The following CNTNAP5 variants were observed in gnomAD, a reference collection of about 807,000 sequenced individuals.
The protein encoded by CNTNAP5 is contactin-associated protein-like 5.
In CNTNAP5, 72 loss-of-function variants were observed where a neutral mutation model predicts 150.2. The ratio of observed to expected loss-of-function variants is 0.48; its 90% CI spans 0.40 to 0.58. CNTNAP5 has a LOEUF of 0.58. Among genes scored for constraint, CNTNAP5 ranks in the 20% least tolerant of loss-of-function variants. The pLI is 0.00. For synonymous variants in CNTNAP5, 672 were observed against 619.8 expected, an observed-to-expected ratio of 1.08 and a Z score of -1.25; for missense variants, 1,636 against 1,626.2, an observed-to-expected ratio of 1.01 and a Z score of -0.10.
intron 8 of CNTNAP5, among the ~76,000 whole-genome samples, chr2:124,511,240 A>G (rs1050297112): frequency 3.9e-5 from 6 of 152,224 alleles, no homozygotes; most frequent in South Asian, 2.1e-4. Flanking sequence ...TGAATGTCAT[A>G]TGAAATCATA....
rs1344422155 is a variant in CNTNAP5 at position 124,603,890 on chromosome 2, G to A, written c.1757-5911G>A. On this transcript the variant is annotated intron_variant, in intron 11 of 23. Coordinates refer to ENST00000682447, the MANE Select transcript of CNTNAP5 (RefSeq NM_001367498.1). ...AAATTGTATATATTTAACAATCAAA[G>A]TGACTATTATTTTTTATGCCCAAAT... Among the ~76,000 whole-genome samples the A allele has an allele frequency of 2.6e-5, 4 of 152,138 alleles. No homozygotes were observed. The South Asian group carries it at 6.2e-4, about 24-fold the overall frequency.
chr2:124,191,345 T>A (rs1180929567), intron 1 of CNTNAP5, among the ~76,000 whole-genome samples: 1 of 152,222 alleles, frequency 6.6e-6, no homozygotes, highest in Non-Finnish European at 1.5e-5. Context: ...TAACCCCTTT[T>A]AGTTTTGAAC....
At chr2:124,522,654 T>C (rs546139553) in intron 8 of CNTNAP5, among the ~76,000 whole-genome samples, 1 of 152,092 alleles carries the variant, frequency 6.6e-6, no homozygotes, top group Non-Finnish European at 1.5e-5. Context: ...GGAAAAGTGC[T>C]CTTCAGAATA....
At chr2:124,268,194 T>C (rs1049459669) in intron 3 of CNTNAP5, among the ~76,000 whole-genome samples, 2 of 152,174 alleles carry the variant, frequency 1.3e-5, no homozygotes, top group African/African-American at 4.8e-5. Flanking sequence ...AACTGCCATT[T>C]AAAAGAGTAG....
intron 19 of CNTNAP5, among the ~76,000 whole-genome samples, chr2:124,817,425 A>G (rs1180735579): frequency 6.6e-6 from 1 of 152,122 alleles, no homozygotes; most frequent in African/African-American, 2.4e-5. Flanking sequence ...GTAAAACAAC[A>G]CAACACACAA....
chr2:124,569,947 A>G (rs1251317439), intron 11 of CNTNAP5, among the ~76,000 whole-genome samples: 2 of 152,216 alleles, frequency 1.3e-5, no homozygotes, highest in Admixed American at 6.5e-5. Flanking sequence ...CTATAAACCT[A>G]TTTAGGTGAG....
rs560276611 is a variant in CNTNAP5, at chr2:124,601,514, A to G, written c.1757-8287A>G. Among the ~76,000 whole-genome samples the G allele has an allele frequency of 3.9e-5, 6 of 152,318 alleles. No homozygotes were observed. The South Asian group carries it at 1.2e-3, about 32-fold the overall frequency. Reference sequence around the variant, plus strand: ...TGAAATGTAAGATAGAGACCAAAACAAAACACACAACAATTAAAGCAATTA... The same window carrying G: ...TGAAATGTAAGATAGAGACCAAAACGAAACACACAACAATTAAAGCAATTA... On this transcript the variant is annotated intron_variant, in intron 11 of 23. Transcript: ENST00000682447.
chr2:124,636,627 T>C lies in CNTNAP5; in HGVS notation c.1877-11131T>C, dbSNP rs371795117. On this transcript the variant is annotated intron_variant, in intron 12 of 23. Transcript: ENST00000682447. ...AGCTTTCTGGTCATTATTTTGCCAATTACTCCTTAACTCTGTGTGTGTGTG... is the reference window on the plus strand; with the variant it reads ...AGCTTTCTGGTCATTATTTTGCCAACTACTCCTTAACTCTGTGTGTGTGTG... Among the ~76,000 whole-genome samples the C allele has an allele frequency of 7.2e-5, 11 of 151,936 alleles. No individual in the cohort carries two copies. The East Asian group carries it at 1.5e-3, about 21-fold the overall frequency.
chr2:124,397,825 G>A (rs961897669), intron 3 of CNTNAP5, among the ~76,000 whole-genome samples: 6 of 152,178 alleles, frequency 3.9e-5, no homozygotes, highest in Non-Finnish European at 8.8e-5. Flanking sequence ...CATGCAGCCA[G>A]CGATCCAGTG....
intron 6 of CNTNAP5, among the ~76,000 whole-genome samples, chr2:124,448,382 C>T (rs1692881851): frequency 6.6e-6 from 1 of 151,924 alleles, no homozygotes; most frequent in Non-Finnish European, 1.5e-5. Context: ...TATCGATTTG[C>T]CTGTCTCTTT....
Position 124,221,795 on chromosome 2 carries a change from T to C in CNTNAP5, c.173T>C (p.Leu58Pro). 1 of 1,606,538 alleles carries C rather than the reference T, an allele frequency of 6.2e-7. No individual in the cohort carries two copies. The highest frequency in any genetic ancestry group is 8.5e-7 in the Non-Finnish European group (1 of 1,175,478). Residue 58 changes from leucine to proline, a missense_variant, in exon 2 of 24, where the codon CTC becomes CCC. By Grantham distance (98) the Leu-to-Pro change is moderately conservative. Transcript: ENST00000682447. ...DLTGTHSPAQLNWRVGTGGWS... is the reference protein window; with the variant it reads ...DLTGTHSPAQPNWRVGTGGWS... ...ACTGGCACTCACAGCCCAGCTCAAC[T>C]CAACTGGAGAGTTGGTAAGTAGGCT...
chr2:124,418,545 C>T (rs1050939458), intron 4 of CNTNAP5, among the ~76,000 whole-genome samples: 2 of 152,112 alleles, frequency 1.3e-5, no homozygotes, highest in Admixed American at 6.6e-5. Flanking sequence ...TACAAATTCT[C>T]CAAGTAAACT....
intron 13 of CNTNAP5, among the ~76,000 whole-genome samples, chr2:124,665,670 A>C (rs919656620): frequency 1.3e-5 from 2 of 152,090 alleles, no homozygotes; most frequent in Non-Finnish European, 2.9e-5. Flanking sequence ...GCAGATCACA[A>C]GGTCAGGAGA....
At chr2:124,354,455 T>C (rs925275188) in intron 3 of CNTNAP5, among the ~76,000 whole-genome samples, 1 of 152,190 alleles carries the variant, frequency 6.6e-6, no homozygotes, top group African/African-American at 2.4e-5. Context: ...TGGTAGTGTC[T>C]AGAAGGCAGG....
At chr2:124,110,366 A>G (rs537553119) in intron 1 of CNTNAP5, among the ~76,000 whole-genome samples, 41 of 152,338 alleles carry the variant, frequency 2.7e-4, no homozygotes, top group African/African-American at 9.4e-4. Flanking sequence ...ATTCACATGC[A>G]TATATTTTGG....
intron 19 of CNTNAP5, among the ~76,000 whole-genome samples, chr2:124,812,794 T>TA (rs1271184746): frequency 6.6e-6 from 1 of 152,144 alleles, no homozygotes; most frequent in Non-Finnish European, 1.5e-5. Context: ...CATATCTCCC[T>TA]AAAATGTATA....
chr2:124,356,306 CTT>C lies in CNTNAP5; in HGVS notation c.382-61122_382-61121del, dbSNP rs201900685. On this transcript the variant is annotated intron_variant, in intron 3 of 23. Transcript: ENST00000682447. ...ATGTGGATCCATAGAACCTCAACATCTTTTTTTTTTTTTTTTATACTTTAGGT... is the reference window on the plus strand; with the variant it reads ...ATGTGGATCCATAGAACCTCAACATCTTTTTTTTTTTTTTATACTTTAGGT... Among the ~76,000 whole-genome samples, 736 of 139,952 alleles carry C rather than the reference CTT, an allele frequency of 5.3e-3. 4 individuals are homozygous for C. Among genetic ancestry groups the C allele is most frequent in the African/African-American group, 0.017 (659 of 38,492 alleles). The allele number at this position is 139,952 out of a possible 152,430, so 91.8% of individuals were successfully genotyped here.
chr2:124,460,222 A>G (rs951374009), intron 6 of CNTNAP5, among the ~76,000 whole-genome samples: 1 of 152,224 alleles, frequency 6.6e-6, no homozygotes, highest in Non-Finnish European at 1.5e-5. Flanking sequence ...ATACTAAAGC[A>G]AGAGGTAAGT....
chr2:124,837,481 G>A (rs1294146732), intron 19 of CNTNAP5, among the ~76,000 whole-genome samples: 4 of 152,168 alleles, frequency 2.6e-5, no homozygotes, highest in Admixed American at 6.6e-5. Flanking sequence ...TTTTGCTACC[G>A]AAGATAGTTA....
Sources: gnomAD v4.1 joint callset for allele counts (sites outside exome capture counted in the v4.1 genomes callset) on GRCh38, gnomAD v4.1.1 for gene constraint, MANE v1.5 for transcripts, NCBI Gene and HGNC (gene_info 2026-07-23, HGNC 2026-07-21) for gene names.